Variants in RFX1 observed in about 807,000 individuals in gnomAD.
RFX1 encodes the protein regulatory factor X1.
A neutral mutation model predicts 119.6 loss-of-function variants in RFX1; 42 were observed. That is an observed-to-expected ratio of 0.35 (90% CI 0.27 to 0.45). The LOEUF (loss-of-function observed/expected upper bound fraction) is 0.45. Ranked by LOEUF, RFX1 falls within the 20% of genes least tolerant of loss-of-function variation. The pLI is 1.00. For missense variants in RFX1, 1,118 were observed against 1,368.1 expected, an observed-to-expected ratio of 0.82 and a Z score of 2.88; for synonymous variants, 628 against 618.5, an observed-to-expected ratio of 1.02 and a Z score of -0.23.
Position 13,969,928 on chromosome 19 carries a change from T to TGGGGG in RFX1, c.1496+61_1496+65dup. The TGGGGG allele has an allele frequency of 6.7e-7, 1 of 1,488,616 alleles. No individual in the cohort carries two copies. Among genetic ancestry groups the TGGGGG allele is most frequent in the Non-Finnish European group, 9.1e-7 (1 of 1,102,186 alleles). The allele number at this position is 1,488,616 out of a possible 1,614,324, so 92.2% of individuals were successfully genotyped here. ...CTGGACTGCCTGAGATGACTCGGAG[T>TGGGGG]GGGGGTGGGCCTTGGCATGCCCACC... is the stretch of plus-strand genomic sequence containing the variant. On this transcript the variant is annotated intron_variant, in intron 10 of 20. Transcript: ENST00000254325. The surrounding 1 kb of genome is among the most constrained non-coding windows in gnomAD (Gnocchi z 4.5).
intron 1 of RFX1, chr19:13,998,118 C>T (rs1975097092): frequency 6.6e-6 from 1 of 152,234 alleles, no homozygotes; most frequent in South Asian, 2.1e-4. Context: ...TATTACCAAC[C>T]TTCTTCTGGG....
rs550071125 is a variant in RFX1, at chr19:13,993,707, G to A, written c.137C>T (p.Ala46Val). 3.1e-5 allele frequency: 49 copies of A among 1,579,314 alleles called. No homozygotes were observed. The African/African-American group carries it at 5.8e-4, about 19-fold the overall frequency. Residue 46 changes from alanine to valine, a missense_variant, in exon 2 of 21, where the codon GCT becomes GTT. This residue lies in a region of RFX1 where 542 missense variants were observed against 602.7 expected (regional missense o/e 0.90). Coordinates refer to ENST00000254325, the MANE Select transcript of RFX1 (RefSeq NM_002918.5). Reference protein sequence around the residue: ...AAPQPPQPPTAAATPQPQYVT... With the variant: ...AAPQPPQPPTVAATPQPQYVT... ...ATATTGGGGCTGAGGGGTGGCAGCA[G>A]CGGTGGGTGGCTGCGGGGGCTGGGG... is the stretch of plus-strand genomic sequence containing the variant.
rs1344629049 is a variant in RFX1, at chr19:13,968,046, G to A, written c.1732+519C>T. On this transcript the variant is annotated intron_variant, in intron 12 of 20. Coordinates refer to ENST00000254325, the MANE Select transcript of RFX1 (RefSeq NM_002918.5). The surrounding 1 kb of genome is among the most constrained non-coding windows in gnomAD (Gnocchi z 5.5). The stretch of plus-strand genomic sequence containing the variant: ...AGGTGGGAGGATCACTTCAGGTCAG[G>A]AGTTCGAGACCAGCCTAGCCAAGAT... Among the ~76,000 whole-genome samples the A allele has an allele frequency of 1.3e-5, 2 of 152,048 alleles. No homozygotes were observed. Among genetic ancestry groups the A allele is most frequent in the East Asian group, 3.9e-4 (2 of 5,144 alleles).
At chr19:13,992,024 C>T (rs543376594) in intron 2 of RFX1, among the ~76,000 whole-genome samples, 1 of 152,222 alleles carries the variant, frequency 6.6e-6, no homozygotes, top group South Asian at 2.1e-4. Context: ...CTTGACCCAC[C>T]CCTTCCACAG....
chr19:13,966,795 C>A lies in RFX1; in HGVS notation c.1733-44G>T. 2 of 1,365,346 alleles carry A rather than the reference C, an allele frequency of 1.5e-6. No homozygotes were observed. Among genetic ancestry groups the A allele is most frequent in the Non-Finnish European group, 2.0e-6 (2 of 978,518 alleles). 84.6% of individuals were successfully genotyped at this position (1,365,346 alleles called of 1,614,324 possible). On this transcript the variant is annotated intron_variant, in intron 12 of 20. Transcript: ENST00000254325. The surrounding 1 kb of genome is among the most constrained non-coding windows in gnomAD (Gnocchi z 6.3). ...CCGTGAGGCCCTTCATCCCCCTTGC[C>A]TGCCCACCCTGGGGTCCTACTGACC... is the stretch of plus-strand genomic sequence containing the variant.
Position 13,966,892 on chromosome 19 carries a change from C to CCGGGCCCAGGA in RFX1, c.1733-152_1733-142dup, listed in dbSNP as rs1973921127. The CCGGGCCCAGGA allele has an allele frequency of 3.4e-6, 2 of 587,568 alleles. No homozygotes were observed. The highest frequency in any genetic ancestry group is 3.0e-5 in the East Asian group (1 of 33,276). 36.4% of individuals were successfully genotyped at this position (587,568 alleles called of 1,614,324 possible). A position where few individuals can be genotyped will look rare whatever the true frequency, so the allele number is the denominator to read the frequency against. The stretch of plus-strand genomic sequence containing the variant: ...ACGCTAGGTGGGGTGAGCGCCTGGC[C>CCGGGCCCAGGA]CGGGCCCAGGACGGGCCCAGGAGTG... On this transcript the variant is annotated intron_variant, in intron 12 of 20. Coordinates refer to ENST00000254325, the MANE Select transcript of RFX1 (RefSeq NM_002918.5). The surrounding 1 kb of genome is among the most constrained non-coding windows in gnomAD (Gnocchi z 6.3).
chr19:14,005,932 G>A (rs1975360712), intron 1 of RFX1, among the ~76,000 whole-genome samples, 171 bp downstream of exon 1: 2 of 151,540 alleles, frequency 1.3e-5, no homozygotes, highest in East Asian at 2.0e-4. Flanking sequence ...ACGGGGGCGG[G>A]TGGTGTCGTT....
At position 13,990,576 on chromosome 19, in the gene RFX1, T is replaced by G. The variant is rs1339661272; in HGVS notation, c.319+2949A>C. Among the ~76,000 whole-genome samples the G allele has an allele frequency of 6.6e-6, 1 of 151,852 alleles. No homozygotes were observed. Among genetic ancestry groups the G allele is most frequent in the South Asian group, 2.1e-4 (1 of 4,792 alleles). On this transcript the variant is annotated intron_variant, in intron 2 of 20. Coordinates refer to ENST00000254325, the MANE Select transcript of RFX1 (RefSeq NM_002918.5). This position sits in a 1 kb window ranked among gnomAD's most constrained non-coding sequence, Gnocchi z 4.1. ...CTCACGCCTGTAATCCCAGCACTTT[T>G]GGAGGCCGAGGCGGGTGGATCACGA...
rs754128669 is a variant in RFX1 at position 13,968,535 on chromosome 19, T to C, written c.1732+30A>G. On this transcript the variant is annotated intron_variant, in intron 12 of 20. Transcript: ENST00000254325. The surrounding 1 kb of genome is among the most constrained non-coding windows in gnomAD (Gnocchi z 5.5). Reference sequence around the variant, plus strand: ...TCTGCACGGGGCAGGGAGGCGGTGGTTGGGGAAGCACGGGCCAGGGAGCTC... The same window carrying C: ...TCTGCACGGGGCAGGGAGGCGGTGGCTGGGGAAGCACGGGCCAGGGAGCTC... The C allele has an allele frequency of 9.7e-6, 15 of 1,554,290 alleles. No homozygotes were observed. The highest frequency in any genetic ancestry group is 1.7e-4 in the Middle Eastern group (1 of 5,960).
Position 13,965,497 on chromosome 19 carries a change from C to T in RFX1, c.2163G>A (p.Trp721Ter). The T allele has an allele frequency of 6.2e-7, 1 of 1,613,994 alleles. No homozygotes were observed. Among genetic ancestry groups the T allele is most frequent in the Non-Finnish European group, 8.5e-7 (1 of 1,179,972 alleles). ...IRNFAKSLES[W>*]LTHAMVNIPE... The stretch of plus-strand genomic sequence containing the variant: ...GGATGTTGACCATGGCGTGGGTGAG[C>T]CAGCTCTCCAGGCTCTTGGCAAAGT... Residue 721 changes from tryptophan (W) to a stop codon, truncating the protein, a stop_gained, in exon 16 of 21, where the codon TGG (tryptophan) becomes TGA (stop). Transcript: ENST00000254325. LOFTEE classifies it high-confidence loss of function. The surrounding 1 kb of genome is among the most constrained non-coding windows in gnomAD (Gnocchi z 4.7).
Position 13,970,112 on chromosome 19 carries a change from A to G in RFX1, c.1378T>C (p.Tyr460His). ...EGVSLPRSTL[Y>H]CHYLLHCQEQ... Reference sequence around the variant, plus strand: ...TGGCAGTGCAGTAAGTAGTGGCAGTAGAGGGTGCTCCGTGGCAGACTCACG... The same window carrying G: ...TGGCAGTGCAGTAAGTAGTGGCAGTGGAGGGTGCTCCGTGGCAGACTCACG... The change falls in exon 10 of 21, where the codon TAC becomes CAC. Residue 460 changes from tyrosine (Y) to histidine (H), a missense_variant. Physicochemically the swap from Tyr to His is moderately conservative, Grantham distance 83. Transcript: ENST00000254325. 1 of 1,614,040 alleles carries G rather than the reference A, an allele frequency of 6.2e-7. No individual in the cohort carries two copies. Among genetic ancestry groups the G allele is most frequent in the South Asian group, 1.1e-5 (1 of 91,088 alleles).
Position 13,980,819 on chromosome 19 carries a change from C to T in RFX1, c.622-130G>A. On this transcript the variant is annotated intron_variant, in intron 5 of 20. Coordinates refer to ENST00000254325, the MANE Select transcript of RFX1 (RefSeq NM_002918.5). This position sits in a 1 kb window ranked among gnomAD's most constrained non-coding sequence, Gnocchi z 5.1. Reference sequence around the variant, plus strand: ...GCAGTCTGTGGGGACCTATCCCAACCACCGAGGCTGGTAACTGACCGCGTC... The same window carrying T: ...GCAGTCTGTGGGGACCTATCCCAACTACCGAGGCTGGTAACTGACCGCGTC... The T allele has an allele frequency of 1.7e-6, 1 of 585,150 alleles. No homozygotes were observed. Among genetic ancestry groups the T allele is most frequent in the East Asian group, 3.0e-5 (1 of 33,734 alleles). 36.2% of individuals were successfully genotyped at this position (585,150 alleles called of 1,614,324 possible).
intron 9 of RFX1, 52 bp downstream of exon 9, chr19:13,972,691 C>A: frequency 7.0e-7 from 1 of 1,436,084 alleles, no homozygotes. Context: ...GCTTCTAGTG[C>A]CCACCACCCA....
rs776268537 is a variant in RFX1 at position 13,968,825 on chromosome 19, C to T, written c.1566G>A (p.Glu522=). Residue 522 remains glutamate, a synonymous_variant, in exon 11 of 21, where the codon GAG becomes GAA. Transcript: ENST00000254325. This position sits in a 1 kb window ranked among gnomAD's most constrained non-coding sequence, Gnocchi z 5.5. ...CCCGCATGGCCATGTGCTGCTGGTC[C>T]TCCATCAGCCGCAGCAGGGGTGAGC... ...KASSPLLRLM[E]DQQHMAMRGQ... 1.3e-6 allele frequency: 2 copies of T among 1,560,802 alleles called. No individual in the cohort carries two copies. The highest frequency in any genetic ancestry group is 1.7e-6 in the Non-Finnish European group (2 of 1,152,476).
At chr19:13,972,655 G>T in intron 9 of RFX1, 88 bp downstream of exon 9, 1 of 1,011,620 alleles carries the variant, frequency 9.9e-7, no homozygotes, top group African/African-American at 1.6e-5. Context: ...TGCTAGCGGT[G>T]GTTGGTAACC....
intron 18 of RFX1, 31 bp downstream of exon 18, chr19:13,963,507 C>T: frequency 6.4e-7 from 1 of 1,559,906 alleles, no homozygotes; most frequent in Non-Finnish European, 8.6e-7. Flanking sequence ...TTCCCTGGTG[C>T]CGCCCGGACC....
Position 13,965,421 on chromosome 19 carries a change from G to C in RFX1, c.2211+28C>G. 6.3e-7 allele frequency: 1 copy of C among 1,599,218 alleles called. No homozygotes were observed. On this transcript the variant is annotated intron_variant, in intron 16 of 20. Coordinates refer to ENST00000254325, the MANE Select transcript of RFX1 (RefSeq NM_002918.5). This position sits in a 1 kb window ranked among gnomAD's most constrained non-coding sequence, Gnocchi z 4.7. ...GACGGAGGCCTAAGCCCCAGAGATAGGAGAAAGGGACCCCCTCACACTCTC... is the reference window on the plus strand; with the variant it reads ...GACGGAGGCCTAAGCCCCAGAGATACGAGAAAGGGACCCCCTCACACTCTC...
At position 13,962,882 on chromosome 19, in the gene RFX1, A is replaced by C; in HGVS notation, c.2771-18T>G. 6.5e-7 allele frequency: 1 copy of C among 1,533,116 alleles called. No individual in the cohort carries two copies. The highest frequency in any genetic ancestry group is 1.4e-5 in the African/African-American group (1 of 72,694). The allele number at this position is 1,533,116 out of a possible 1,614,324, so 95.0% of individuals were successfully genotyped here. A position where few individuals can be genotyped will look rare whatever the true frequency, so the allele number is the denominator to read the frequency against. ...CTCCTCGTCTGGAACACAGGGACCA[A>C]GTCCGGCTCGGGGCGGGGTGGCAAC... is the stretch of plus-strand genomic sequence containing the variant. On this transcript the variant is annotated intron_variant, in intron 20 of 20. Coordinates refer to ENST00000254325, the MANE Select transcript of RFX1 (RefSeq NM_002918.5).
In RFX1 at chr19:13,968,976, T is replaced by C; in HGVS notation, c.1497-82A>G. The C allele has an allele frequency of 2.8e-6, 4 of 1,451,226 alleles. No individual in the cohort carries two copies. In the South Asian group the frequency reaches 5.1e-5, roughly 19 times the overall value. The allele number at this position is 1,451,226 out of a possible 1,614,324, so 89.9% of individuals were successfully genotyped here. A position where few individuals can be genotyped will look rare whatever the true frequency, so the allele number is the denominator to read the frequency against. On this transcript the variant is annotated intron_variant, in intron 10 of 20. Coordinates refer to ENST00000254325, the MANE Select transcript of RFX1 (RefSeq NM_002918.5). This position sits in a 1 kb window ranked among gnomAD's most constrained non-coding sequence, Gnocchi z 5.5. ...TGGAGCACCTCACAGCACACCCGTC[T>C]CCTCTCTGTTAGGAGAATGGATAGA... is the stretch of plus-strand genomic sequence containing the variant.
Sources: allele counts gnomAD v4.1 joint callset (sites outside exome capture counted in the v4.1 genomes callset), GRCh38; gene constraint gnomAD v4.1.1; regional missense constraint gnomAD v4.1.1; non-coding constraint Gnocchi (gnomAD v3.1); transcripts MANE v1.5; gene names NCBI Gene and HGNC (gene_info 2026-07-23, HGNC 2026-07-21).